Variants in WIF1 observed in about 807,000 individuals in gnomAD.
WIF1 encodes the protein Wnt inhibitory factor 1.
In WIF1, 35 loss-of-function variants were observed where a neutral mutation model predicts 53.5. The ratio of observed to expected loss-of-function variants is 0.65; its 90% CI spans 0.50 to 0.87. The LOEUF (loss-of-function observed/expected upper bound fraction) is 0.87, where lower values mean the gene tolerates loss of function less well. WIF1 is among the 40% of genes least tolerant of loss of function. The probability of loss-of-function intolerance (pLI) is 0.00; values close to 1 mark genes in which losing one functional copy is unlikely to be tolerated. For missense variants in WIF1, 467 were observed against 476.8 expected, an observed-to-expected ratio of 0.98 and a Z score of 0.19; for synonymous variants, 171 against 170.4, an observed-to-expected ratio of 1.00 and a Z score of -0.03.
intron 2 of WIF1, among the ~76,000 whole-genome samples, chr12:65,090,192 G>A (rs969774560): frequency 3.3e-5 from 5 of 152,180 alleles, no homozygotes; most frequent in Non-Finnish European, 7.4e-5. Flanking sequence ...TCCAGAGCTG[G>A]CTCTTGAAGG....
At chr12:65,091,047 G>C (rs1310247701) in intron 2 of WIF1, among the ~76,000 whole-genome samples, 1 of 152,000 alleles carries the variant, frequency 6.6e-6, no homozygotes, top group Non-Finnish European at 1.5e-5. Flanking sequence ...TCCTTTTCTA[G>C]TTCAAGTTAG....
At chr12:65,096,686 A>G (rs1369620431) in intron 2 of WIF1, among the ~76,000 whole-genome samples, 2 of 152,238 alleles carry the variant, frequency 1.3e-5, no homozygotes, top group Admixed American at 1.3e-4. Flanking sequence ...CTATGCAGCC[A>G]TAAAAAGAAT....
chr12:65,108,641 C>T (rs930244935), intron 2 of WIF1, among the ~76,000 whole-genome samples: 1 of 152,214 alleles, frequency 6.6e-6, no homozygotes, highest in African/African-American at 2.4e-5. Flanking sequence ...TCCCTCTCCA[C>T]TGCCTTCCTT....
intron 2 of WIF1, among the ~76,000 whole-genome samples, chr12:65,081,122 A>AT (rs140008206): frequency 0.2 from 29,711 of 151,676 alleles, 3,194 homozygotes; most frequent in Non-Finnish European, 0.25. Context: ...GCATTTATGT[A>AT]TTTTTTTTAA....
intron 6 of WIF1, among the ~76,000 whole-genome samples, chr12:65,065,622 A>G (rs1882676616): frequency 6.6e-6 from 1 of 152,178 alleles, no homozygotes; most frequent in African/African-American, 2.4e-5. Flanking sequence ...CTTACTTGGT[A>G]CTAACTGAGT....
chr12:65,115,807 G>C (rs2136296052), intron 2 of WIF1, among the ~76,000 whole-genome samples: 1 of 152,256 alleles, frequency 6.6e-6, no homozygotes, highest in Middle Eastern at 3.4e-3. Context: ...CAGGAAAAAT[G>C]ATTTCAGGCA....
chr12:65,121,168 A>G lies in WIF1; in HGVS notation c.24T>C (p.Pro8=), dbSNP rs1883604668. Residue 8 remains proline (P), a synonymous_variant, in exon 1 of 10, where the codon CCT becomes CCC. Transcript: ENST00000286574. MARRSAF[P]AAALWLWSIL... is the part of the protein sequence containing the mutation. Reference sequence around the variant, plus strand: ...TGCTCCAGAGCCAGAGCGCGGCGGCAGGGAAGGCGCTCCTCCGGGCCATGC... The same window carrying G: ...TGCTCCAGAGCCAGAGCGCGGCGGCGGGGAAGGCGCTCCTCCGGGCCATGC... 5 of 1,546,502 alleles carry G rather than the reference A, an allele frequency of 3.2e-6. No homozygotes were observed. Among genetic ancestry groups the G allele is most frequent in the Non-Finnish European group, 4.4e-6 (5 of 1,145,408 alleles).
chr12:65,055,153 C>A lies in WIF1; in HGVS notation c.983G>T (p.Cys328Phe). 6.2e-7 allele frequency: 1 copy of A among 1,614,154 alleles called. No individual in the cohort carries two copies. The highest frequency in any genetic ancestry group is 1.1e-5 in the South Asian group (1 of 91,084). Reference sequence around the variant, plus strand: ...GTGTCTTCCATGCCAACCTTCTTGACATTGGCATTTGTTGGGTTCATGGCA... The same window carrying A: ...GTGTCTTCCATGCCAACCTTCTTGAAATTGGCATTTGTTGGGTTCATGGCA... ...GTCHEPNKCQ[C>F]QEGWHGRHCN... Residue 328 changes from cysteine (C) to phenylalanine (F), a missense_variant, in exon 9 of 10, where the codon TGT becomes TTT. Physicochemically the swap from Cys to Phe is radical, Grantham distance 205. Transcript: ENST00000286574.
chr12:65,078,742 T>C (rs1047193155), intron 2 of WIF1, among the ~76,000 whole-genome samples: 2 of 152,226 alleles, frequency 1.3e-5, no homozygotes, highest in Non-Finnish European at 2.9e-5. Context: ...GTGAACACTT[T>C]CATTTACCCA....
intron 2 of WIF1, among the ~76,000 whole-genome samples, chr12:65,108,973 G>T (rs1883389733): frequency 1.3e-5 from 2 of 152,090 alleles, no homozygotes; most frequent in African/African-American, 4.8e-5. Context: ...TTAAGCATTC[G>T]ATGGCTCTGA....
intron 2 of WIF1, among the ~76,000 whole-genome samples, chr12:65,089,845 A>G (rs1424033172): frequency 6.6e-6 from 1 of 151,696 alleles, no homozygotes; most frequent in African/African-American, 2.4e-5. Flanking sequence ...GTAAAAATCT[A>G]TTTTCTTGTC....
At chr12:65,104,221 T>C (rs1489803473) in intron 2 of WIF1, among the ~76,000 whole-genome samples, 1 of 152,198 alleles carries the variant, frequency 6.6e-6, no homozygotes, top group Non-Finnish European at 1.5e-5. Flanking sequence ...AATTCAAGCA[T>C]TTTGACCTAT....
chr12:65,066,646 T>A lies in WIF1; in HGVS notation c.725A>T (p.Asp242Val). The change falls in exon 6 of 10, where the codon GAC (aspartate) becomes GTC (valine). Residue 242 changes from aspartate (D) to valine (V), a missense_variant. By Grantham distance (152) the Asp-to-Val change is radical (BLOSUM62 -3). Transcript: ENST00000286574. ...TCTTAAAAAGAAACTGTTACCTTTG[T>A]CACAGTTCACTCCATAGAATCCAGG... ...CPPGFYGVNC[D>V]KANCSTTCFN... The A allele has an allele frequency of 6.2e-7, 1 of 1,600,874 alleles. No individual in the cohort carries two copies. Among genetic ancestry groups the A allele is most frequent in the Admixed American group, 1.8e-5 (1 of 56,916 alleles).
At chr12:65,094,669 A>G (rs553655259) in intron 2 of WIF1, among the ~76,000 whole-genome samples, 1 of 152,298 alleles carries the variant, frequency 6.6e-6, no homozygotes, top group East Asian at 1.9e-4. Context: ...CCAAGGAAAG[A>G]TTAGTCCCAT....
intron 3 of WIF1, among the ~76,000 whole-genome samples, chr12:65,071,192 C>T (rs1455009103): frequency 7.0e-6 from 1 of 142,284 alleles, no homozygotes; most frequent in Non-Finnish European, 1.5e-5. Context: ...CAAGATAGAG[C>T]CACTGCAGTC....
At chr12:65,104,173 A>G (rs779966820) in intron 2 of WIF1, among the ~76,000 whole-genome samples, 1 of 152,186 alleles carries the variant, frequency 6.6e-6, no homozygotes, top group Non-Finnish European at 1.5e-5. Flanking sequence ...TAAATGCCCC[A>G]TATATGCCCG....
At chr12:65,100,130 A>G (rs553469360) in intron 2 of WIF1, among the ~76,000 whole-genome samples, 24 of 152,314 alleles carry the variant, frequency 1.6e-4, no homozygotes, top group African/African-American at 5.3e-4. Flanking sequence ...ATGCTTCCTT[A>G]TTATGTTCAA....
At position 65,077,834 on chromosome 12, in the gene WIF1, G is replaced by C; in HGVS notation, c.309C>G (p.Phe103Leu). 6.2e-7 allele frequency: 1 copy of C among 1,613,644 alleles called. No individual in the cohort carries two copies. The highest frequency in any genetic ancestry group is 8.5e-7 in the Non-Finnish European group (1 of 1,179,738). ...CTTTATCCAGGGAGCGCAAGGACAG[G>C]AATTCATAGAAGTATTCTGCCTACA... ...AAGQAEYFYE[F>L]LSLRSLDKGI... The change falls in exon 3 of 10, where the codon TTC becomes TTG. Residue 103 changes from phenylalanine (F) to leucine (L), a missense_variant. Phe to Leu is a conservative substitution (Grantham distance 22, BLOSUM62 0). Coordinates refer to ENST00000286574, the MANE Select transcript of WIF1 (RefSeq NM_007191.5).
rs1489611611 is a variant in WIF1, at chr12:65,052,893, G to A, written c.1019-1423C>T. ...GGCTGGGTGCATCAGAAGTAACAGT[G>A]CCCTTGTGCTCCCCTCTTCATCACT... On this transcript the variant is annotated intron_variant, in intron 9 of 9. Coordinates refer to ENST00000286574, the MANE Select transcript of WIF1 (RefSeq NM_007191.5). 2.0e-5 allele frequency among the ~76,000 whole-genome samples: 3 copies of A among 152,190 alleles called. No homozygotes were observed. The East Asian group carries it at 5.8e-4, about 29-fold the overall frequency.
Sources: allele counts gnomAD v4.1 joint callset (sites outside exome capture counted in the v4.1 genomes callset), GRCh38; gene constraint gnomAD v4.1.1; transcripts MANE v1.5; gene names NCBI Gene and HGNC (gene_info 2026-07-23, HGNC 2026-07-21).